The following DOCK4 variants were observed in gnomAD, a reference collection of about 807,000 sequenced individuals.
DOCK4 encodes dedicator of cytokinesis 4, also known as dedicator of cytokinesis protein 4.
DOCK4 carries 97 observed loss-of-function variants against 268.1 expected under a neutral mutation model. That is an observed-to-expected ratio of 0.36 (90% CI 0.31 to 0.43). The LOEUF (loss-of-function observed/expected upper bound fraction) is 0.43, where lower values mean the gene tolerates loss of function less well. Ranked by LOEUF, DOCK4 falls within the 20% of genes least tolerant of loss-of-function variation. The pLI is 1.00. For synonymous variants in DOCK4, 954 were observed against 887.2 expected, an observed-to-expected ratio of 1.08 and a Z score of -1.34; for missense variants, 2,145 against 2,455.7, an observed-to-expected ratio of 0.87 and a Z score of 2.67.
intron 1 of DOCK4, among the ~76,000 whole-genome samples, chr7:112,036,192 C>T (rs375527532): frequency 6.5e-4 from 99 of 151,974 alleles, no homozygotes; most frequent in African/African-American, 2.3e-3. Context: ...CAGGAAATAG[C>T]ACATCCATGA....
chr7:111,933,418 C>G (rs951314439), intron 12 of DOCK4, among the ~76,000 whole-genome samples: 1 of 150,570 alleles, frequency 6.6e-6, no homozygotes, highest in South Asian at 2.1e-4. Context: ...CCTCAGACTC[C>G]GGAGTAGCTG....
At position 111,872,545 on chromosome 7, in the gene DOCK4, C is replaced by A. The variant is rs750666801; in HGVS notation, c.1764G>T (p.Leu588Phe). 1 of 1,597,570 alleles carries A rather than the reference C, an allele frequency of 6.3e-7. No individual in the cohort carries two copies. Among genetic ancestry groups the A allele is most frequent in the Non-Finnish European group, 8.5e-7 (1 of 1,171,210 alleles). The change falls in exon 18 of 53, where the codon TTG (leucine) becomes TTT (phenylalanine). Residue 588 changes from leucine (L) to phenylalanine (F), a missense_variant. Physicochemically the swap from Leu to Phe is conservative, Grantham distance 22. This residue lies in a region of DOCK4 where 1,598 missense variants were observed against 1,986.7 expected (regional missense o/e 0.80). Coordinates refer to ENST00000428084, the MANE Select transcript of DOCK4 (RefSeq NM_001363540.2). Reference protein sequence around the residue: ...LTQNGDMLDLLKWRTHPDKIT... With the variant: ...LTQNGDMLDLFKWRTHPDKIT... ...TCTTGTCTGGGTGGGTTCTCCATTTCAAAAGATCAAGCATATCACCTTTCA... is the reference window on the plus strand; with the variant it reads ...TCTTGTCTGGGTGGGTTCTCCATTTAAAAAGATCAAGCATATCACCTTTCA...
intron 1 of DOCK4, among the ~76,000 whole-genome samples, chr7:112,064,965 T>A (rs896109742): frequency 1.3e-5 from 2 of 152,144 alleles, no homozygotes; most frequent in Admixed American, 1.3e-4. Flanking sequence ...GGCACTTTGA[T>A]CTTGGACTTC....
At chr7:112,117,882 A>C (rs1334247200) in intron 1 of DOCK4, among the ~76,000 whole-genome samples, 1 of 152,048 alleles carries the variant, frequency 6.6e-6, no homozygotes. Flanking sequence ...CTCTTCCTTT[A>C]CCTTGAGTCA....
At chr7:112,109,981 T>C (rs1045425149) in intron 1 of DOCK4, among the ~76,000 whole-genome samples, 7 of 151,848 alleles carry the variant, frequency 4.6e-5, no homozygotes, top group African/African-American at 1.7e-4. Context: ...CCTGACCTCG[T>C]GATCCGCCCG....
chr7:112,017,907 C>T (rs562543950), intron 1 of DOCK4, among the ~76,000 whole-genome samples: 3 of 152,106 alleles, frequency 2.0e-5, no homozygotes, highest in South Asian at 2.1e-4. Context: ...TCACATCATT[C>T]TACATATGGT....
intron 1 of DOCK4, among the ~76,000 whole-genome samples, chr7:112,018,189 A>C (rs1334522058): frequency 2.9e-5 from 4 of 137,072 alleles, no homozygotes; most frequent in South Asian, 2.4e-4. Flanking sequence ...AACACAGGCA[A>C]CCAGTATTCA....
chr7:111,856,071 A>G (rs998394708), intron 23 of DOCK4, among the ~76,000 whole-genome samples: 3 of 152,182 alleles, frequency 2.0e-5, no homozygotes, highest in African/African-American at 7.2e-5. Context: ...GGAGACAGCA[A>G]TTCCCACTAC....
At chr7:111,957,690 T>C (rs1315795239) in intron 8 of DOCK4, among the ~76,000 whole-genome samples, 2 of 152,168 alleles carry the variant, frequency 1.3e-5, no homozygotes, top group Non-Finnish European at 2.9e-5. Flanking sequence ...TTTTATTCAA[T>C]GATGTGTTCC....
chr7:112,124,908 T>C (rs1813075701), intron 1 of DOCK4, among the ~76,000 whole-genome samples: 1 of 152,212 alleles, frequency 6.6e-6, no homozygotes, highest in Non-Finnish European at 1.5e-5. Context: ...AATCTATTCA[T>C]GTGCTAAGAA....
intron 3 of DOCK4, among the ~76,000 whole-genome samples, chr7:111,998,785 GAA>G (rs981935125): frequency 6.6e-6 from 1 of 152,036 alleles, no homozygotes; most frequent in African/African-American, 2.4e-5. Flanking sequence ...CAGAAAATAA[GAA>G]AATTTCAGGA....
In DOCK4 at chr7:111,746,309, G is replaced by T. The variant is rs3735535; in HGVS notation, c.4677+25C>A. ...AAGCACATATCCAGGCAAAATAGAA[G>T]GGGGTTGGCTTCTGCTTCCCTTACC... On this transcript the variant is annotated intron_variant, in intron 44 of 52. Transcript: ENST00000428084. The T allele has an allele frequency of 1.3e-5, 20 of 1,595,008 alleles. No homozygotes were observed. In the African/African-American group the frequency reaches 1.6e-4, roughly 13 times the overall value.
At chr7:111,905,976 T>C (rs570473481) in intron 13 of DOCK4, among the ~76,000 whole-genome samples, 2 of 152,246 alleles carry the variant, frequency 1.3e-5, no homozygotes, top group African/African-American at 2.4e-5. Flanking sequence ...TCTCATTAAA[T>C]TATCATATCA....
At chr7:111,743,471 C>A (rs1796068033) in intron 44 of DOCK4, among the ~76,000 whole-genome samples, 1 of 152,118 alleles carries the variant, frequency 6.6e-6, no homozygotes, top group Non-Finnish European at 1.5e-5. Context: ...GAAAGGCACA[C>A]TTGGAGTGCA....
At chr7:112,185,075 G>A (rs1360273262) in intron 1 of DOCK4, among the ~76,000 whole-genome samples, 1 of 152,070 alleles carries the variant, frequency 6.6e-6, no homozygotes. Flanking sequence ...AACTGACATG[G>A]GCTATTTAAA....
intron 12 of DOCK4, among the ~76,000 whole-genome samples, chr7:111,916,418 C>T (rs1197934806): frequency 6.6e-6 from 1 of 151,970 alleles, no homozygotes; most frequent in Non-Finnish European, 1.5e-5. Context: ...ACATAAGTAA[C>T]AAAGCCGATT....
intron 1 of DOCK4, among the ~76,000 whole-genome samples, chr7:112,061,524 C>CCCGCTT (rs1806390521): frequency 6.6e-6 from 1 of 152,080 alleles, no homozygotes. Flanking sequence ...CTTTCTGTCA[C>CCCGCTT]CCGCTTTCTA....
chr7:111,906,723 G>A (rs1031120238), intron 13 of DOCK4, among the ~76,000 whole-genome samples: 1 of 152,242 alleles, frequency 6.6e-6, no homozygotes, highest in Admixed American at 6.5e-5. Flanking sequence ...AAAAAGGGAG[G>A]GGGAAGGGTC....
intron 17 of DOCK4, among the ~76,000 whole-genome samples, chr7:111,873,466 C>T (rs1806592341): frequency 1.3e-5 from 2 of 152,150 alleles, no homozygotes; most frequent in Admixed American, 1.3e-4. Context: ...GTAGAACTGG[C>T]CTCAGGGCTC....
Sources: gnomAD v4.1 joint callset for allele counts (sites outside exome capture counted in the v4.1 genomes callset) on GRCh38, gnomAD v4.1.1 for gene constraint, gnomAD v4.1.1 regional missense constraint, MANE v1.5 for transcripts, NCBI Gene and HGNC (gene_info 2026-07-23, HGNC 2026-07-21) for gene names.